MTRR: variants seen among roughly 807,000 people sequenced by gnomAD.
MTRR encodes methionine synthase reductase.
Under a neutral mutation model 79.2 loss-of-function variants are expected in MTRR, and 63 were observed. That is an observed-to-expected ratio of 0.80 (90% CI 0.65 to 0.98). The LOEUF is 0.98. Among genes scored for constraint, MTRR ranks in the 50% least tolerant of loss-of-function variants. The pLI is 0.00. For synonymous variants in MTRR, 355 were observed against 313.3 expected (o/e 1.13, Z -1.41); for missense variants, 895 against 839.6 (o/e 1.07, Z -0.82).
intron 6 of MTRR, among the ~76,000 whole-genome samples, chr5:7,884,648 C>A (rs1010991826): frequency 5.9e-5 from 9 of 152,112 alleles, no homozygotes; most frequent in Non-Finnish European, 8.8e-5. Flanking sequence ...TGCCTCGATG[C>A]ACCCCCTCCA....
chr5:7,877,732 A>G (rs1257871352), intron 4 of MTRR, among the ~76,000 whole-genome samples: 3 of 151,958 alleles, frequency 2.0e-5, no homozygotes, highest in Admixed American at 6.6e-5. Flanking sequence ...CTTTATACAT[A>G]CTCATGTTTT....
intron 1 of MTRR, chr5:7,870,168 C>T: frequency 3.2e-6 from 2 of 618,108 alleles, no homozygotes; most frequent in Non-Finnish European, 4.1e-6. Flanking sequence ...TGTATATATG[C>T]CCATACACTC....
intron 9 of MTRR, chr5:7,890,300 G>A (rs75356830): frequency 1.1e-5 from 11 of 985,258 alleles, no homozygotes; most frequent in Admixed American, 1.2e-4. Context: ...TGCTAAGACC[G>A]TGTTGCTGAA....
rs540709079 is a variant in MTRR, at chr5:7,895,621, T to A, written c.1558-113T>A. The A allele has an allele frequency of 8.0e-5, 108 of 1,347,192 alleles. 1 individual carries two copies. In the South Asian group the frequency reaches 1.1e-3, roughly 13 times the overall value. 83.5% of individuals were successfully genotyped at this position (1,347,192 alleles called of 1,614,324 possible). The stretch of plus-strand genomic sequence containing the variant: ...AAAATCTGATGCCACTATTTAGTGA[T>A]GTTTCTTTGATGGGAATTTTCCCTT... On this transcript the variant is annotated intron_variant, in intron 11 of 14. Coordinates refer to ENST00000440940, the MANE Select transcript of MTRR (RefSeq NM_002454.3).
chr5:7,895,593 A>G (rs1738365335), intron 11 of MTRR, 141 bp from the exon 12 acceptor site: 1 of 1,146,588 alleles, frequency 8.7e-7, no homozygotes, highest in Non-Finnish European at 1.3e-6. Flanking sequence ...TCATGGTTTC[A>G]ATAAAATCTG....
At chr5:7,867,366 T>C (rs1747050322), upstream of MTRR, 2 of 1,560,710 alleles carry the variant, frequency 1.3e-6, no homozygotes. Flanking sequence ...AGTTGATTTA[T>C]AATGAGTTCT....
chr5:7,855,637 G>A (rs771244243), intron 1 of MTRR, among the ~76,000 whole-genome samples: 11 of 152,168 alleles, frequency 7.2e-5, no homozygotes, highest in South Asian at 2.1e-4. Context: ...AATACAACAT[G>A]AGCCACTGAG....
intron 8 of MTRR, among the ~76,000 whole-genome samples, chr5:7,887,810 A>ATATATATATATG (rs1736845315): frequency 2.2e-5 from 1 of 45,960 alleles, no homozygotes; most frequent in South Asian, 7.1e-4. Flanking sequence ...ATATATATAT[A>ATATATATATATG]TATATATATA....
chr5:7,869,291 G>C, intron 1 of MTRR, 76 bp downstream of exon 1: 1 of 1,553,582 alleles, frequency 6.4e-7, no homozygotes, highest in Non-Finnish European at 8.8e-7. Context: ...AGGCGGCCCG[G>C]GGCGGGGGTG....
intron 4 of MTRR, among the ~76,000 whole-genome samples, chr5:7,876,278 C>T (rs1392470421): frequency 6.6e-6 from 1 of 152,184 alleles, no homozygotes; most frequent in Non-Finnish European, 1.5e-5. Context: ...TGTGACAAAG[C>T]TTTGTGACAT....
At chr5:7,891,435 A>C (rs754971902) in intron 10 of MTRR, 21 bp downstream of exon 10, 3 of 1,590,582 alleles carry the variant, frequency 1.9e-6, no homozygotes, top group Non-Finnish European at 2.6e-6. Flanking sequence ...TTATTCACGT[A>C]ATATATAGCA....
intron 2 of MTRR, chr5:7,862,773 T>G (rs374364842): frequency 1.4e-5 from 21 of 1,490,132 alleles, no homozygotes; most frequent in Non-Finnish European, 1.9e-5. Context: ...ATCTCCAAAA[T>G]CGAACAGGAT....
intron 5 of MTRR, among the ~76,000 whole-genome samples, chr5:7,882,237 C>T (rs759705587): frequency 1.3e-5 from 2 of 152,166 alleles, no homozygotes; most frequent in East Asian, 1.9e-4. Context: ...TGAGTTGGAA[C>T]GAAGAGGCTG....
upstream of MTRR, chr5:7,850,879 G>T (rs773309943): frequency 7.5e-7 from 1 of 1,326,046 alleles, no homozygotes. Context: ...CCTCACCCGC[G>T]CCGGGCGGTA....
upstream of MTRR, chr5:7,868,203 A>T: frequency 6.2e-4 from 58 of 94,292 alleles, no homozygotes; most frequent in Middle Eastern, 2.9e-3. Context: ...GTATCTGGAA[A>T]AAAAAAAAAA....
chr5:7,892,836 GC>G lies in MTRR; in HGVS notation c.1482del (p.Leu495CysfsTer47). ...LRKGVCTGWL[A>X]LLVASVLQPN... is the part of the protein sequence containing the mutation. ...GAAGGGAGTATGTACAGGCTGGCTG[GC>G]CTTGTTGGTTGCTTCAGTTCTTCAG... On this transcript the variant is annotated frameshift_variant, in exon 11 of 15. Transcript: ENST00000440940. LOFTEE classifies it high-confidence loss of function. 1 of 1,614,190 alleles carries G rather than the reference GC, an allele frequency of 6.2e-7. No individual in the cohort carries two copies. Among genetic ancestry groups the G allele is most frequent in the Non-Finnish European group, 8.5e-7 (1 of 1,180,038 alleles).
chr5:7,853,295 G>C (rs1746129744), intron 1 of MTRR, among the ~76,000 whole-genome samples: 1 of 152,148 alleles, frequency 6.6e-6, no homozygotes, highest in Admixed American at 6.5e-5. Flanking sequence ...CTGCCACCTT[G>C]TGAAGAAGGT....
chr5:7,891,742 A>G (rs112512624), intron 10 of MTRR, among the ~76,000 whole-genome samples: 1 of 152,040 alleles, frequency 6.6e-6, no homozygotes, highest in African/African-American at 2.4e-5. Context: ...GAAAAGTTCC[A>G]CTATAAAACA....
chr5:7,864,883 G>A (rs1000340924), upstream of MTRR, among the ~76,000 whole-genome samples: 2 of 150,846 alleles, frequency 1.3e-5, no homozygotes, highest in African/African-American at 5.0e-5. Context: ...GTTTATATAT[G>A]AAAAAAACCA....
Sources: gnomAD v4.1 joint callset for allele counts (sites outside exome capture counted in the v4.1 genomes callset) on GRCh38, gnomAD v4.1.1 for gene constraint, MANE v1.5 for transcripts, NCBI Gene and HGNC (gene_info 2026-07-23, HGNC 2026-07-21) for gene names.